NPAS2: variants seen among roughly 807,000 people sequenced by gnomAD.
The protein encoded by NPAS2 is neuronal PAS domain protein 2.
NPAS2 carries 23 observed loss-of-function variants against 107.5 expected under a neutral mutation model. The observed-to-expected ratio is 0.21, with a 90% CI of 0.15 to 0.30. The LOEUF (loss-of-function observed/expected upper bound fraction) is 0.30, where lower values mean the gene tolerates loss of function less well. NPAS2 is among the 10% of genes least tolerant of loss of function. The probability of loss-of-function intolerance (pLI) is 1.00; values close to 1 mark genes in which losing one functional copy is unlikely to be tolerated. For synonymous variants in NPAS2, 403 were observed against 417.5 expected, an observed-to-expected ratio of 0.97 and a Z score of 0.42; for missense variants, 756 against 1,043.3, an observed-to-expected ratio of 0.72 and a Z score of 3.79.
At chr2:100,824,995 A>T (rs1269523126) in intron 1 of NPAS2, among the ~76,000 whole-genome samples, 3 of 152,160 alleles carry the variant, frequency 2.0e-5, no homozygotes, top group Admixed American at 6.5e-5. Context: ...GAGTACCAGG[A>T]TGGAAATGGG....
Position 100,974,835 on chromosome 2 carries a change from C to T in NPAS2, c.1173C>T (p.His391=). Residue 391 remains histidine, a synonymous_variant, in exon 13 of 21, where the codon CAC becomes CAT. Transcript: ENST00000335681. ...GCTCAAGCCTGGAACCTCGGCAGCA[C>T]TTTAACACACTCGACGTGGGTGCCT... ...DKGSSLEPRQ[H]FNTLDVGASG... 2 of 1,614,148 alleles carry T rather than the reference C, an allele frequency of 1.2e-6. No individual in the cohort carries two copies. The highest frequency in any genetic ancestry group is 1.7e-6 in the Non-Finnish European group (2 of 1,180,012).
intron 2 of NPAS2, among the ~76,000 whole-genome samples, chr2:100,907,252 A>G (rs1682216646): frequency 6.6e-6 from 1 of 152,186 alleles, no homozygotes; most frequent in East Asian, 1.9e-4. Context: ...AAAAGTTCCT[A>G]GAAATAAATC....
In NPAS2 at chr2:100,992,404, C is replaced by T. The variant is rs1053217823; in HGVS notation, c.2112-943C>T. The stretch of plus-strand genomic sequence containing the variant: ...CTGTGTTAAATGTCGGCTCTGTGTC[C>T]CCACCAAAATCTCTTGTTGAATTGT... On this transcript the variant is annotated intron_variant, in intron 19 of 20. Transcript: ENST00000335681. Among the ~76,000 whole-genome samples the T allele has an allele frequency of 7.9e-5, 12 of 152,314 alleles. No individual in the cohort carries two copies. In the South Asian group the frequency reaches 1.7e-3, roughly 21 times the overall value.
intron 1 of NPAS2, among the ~76,000 whole-genome samples, chr2:100,849,482 G>T (rs1678007607): frequency 1.3e-5 from 2 of 151,950 alleles, no homozygotes; most frequent in Non-Finnish European, 2.9e-5. Context: ...AGGTCTTCAG[G>T]TTCTTCATAG....
chr2:100,925,122 A>G, intron 2 of NPAS2, 24 bp from the exon 3 acceptor site: 7 of 1,598,554 alleles, frequency 4.4e-6, no homozygotes, highest in Non-Finnish European at 6.0e-6. Flanking sequence ...ATGTTCCAGT[A>G]ACCTGCTCGT....
intron 1 of NPAS2, among the ~76,000 whole-genome samples, chr2:100,840,132 C>T (rs1012903873): frequency 5.3e-5 from 8 of 152,160 alleles, no homozygotes; most frequent in African/African-American, 1.9e-4. Context: ...TTCCTTCCGT[C>T]GTTGCTTGCC....
At chr2:100,939,939 A>C (rs1349184577) in intron 5 of NPAS2, among the ~76,000 whole-genome samples, 1 of 152,194 alleles carries the variant, frequency 6.6e-6, no homozygotes, top group East Asian at 1.9e-4. Flanking sequence ...AATGCAAACT[A>C]AGACTCTGTA....
At chr2:100,951,685 A>G (rs1287768923) in intron 7 of NPAS2, among the ~76,000 whole-genome samples, 1 of 152,110 alleles carries the variant, frequency 6.6e-6, no homozygotes, top group Non-Finnish European at 1.5e-5. Flanking sequence ...GGGAGGGGGA[A>G]ATGGGAGTTG....
At chr2:100,879,108 G>C (rs1022759974) in intron 1 of NPAS2, among the ~76,000 whole-genome samples, 1 of 144,854 alleles carries the variant, frequency 6.9e-6, no homozygotes, top group Non-Finnish European at 1.5e-5. Flanking sequence ...GCGAGACTCT[G>C]TCTCAAAAAA....
chr2:100,854,149 C>T (rs1678404344), intron 1 of NPAS2, among the ~76,000 whole-genome samples: 1 of 127,524 alleles, frequency 7.8e-6, no homozygotes, highest in Admixed American at 8.0e-5. Context: ...TGGACATAGC[C>T]TGCCTCAACA....
intron 5 of NPAS2, among the ~76,000 whole-genome samples, chr2:100,941,405 A>C (rs909599614): frequency 6.6e-6 from 1 of 152,128 alleles, no homozygotes; most frequent in Admixed American, 6.5e-5. Flanking sequence ...TCTACAAAAA[A>C]TCCAAAAATT....
At chr2:100,962,483 T>C (rs1013020649) in intron 7 of NPAS2, among the ~76,000 whole-genome samples, 14 of 152,230 alleles carry the variant, frequency 9.2e-5, no homozygotes, top group African/African-American at 3.4e-4. Context: ...CAGCACAGAT[T>C]ATCAGCCCTG....
chr2:100,992,907 T>C (rs146062455), intron 19 of NPAS2, among the ~76,000 whole-genome samples: 4 of 148,240 alleles, frequency 2.7e-5, no homozygotes, highest in African/African-American at 9.8e-5. Flanking sequence ...GTGTTGATAG[T>C]GTCTTTTGAT....
rs1184364289 is a variant in NPAS2 at position 100,820,188 on chromosome 2, A to AGGGACCCGC, written c.-247_-239dup. 6.7e-6 allele frequency: 1 copy of AGGGACCCGC among 149,976 alleles called. No homozygotes were observed. Among genetic ancestry groups the AGGGACCCGC allele is most frequent in the East Asian group, 2.0e-4 (1 of 5,012 alleles). 9.3% of individuals were successfully genotyped at this position (149,976 alleles called of 1,614,324 possible). ...AGCAGCCGGCCTCTCGCAGGAGCCGAGGGACCCGCGCGGCTGCGGCCCAGG... is the reference window on the plus strand; with the variant it reads ...AGCAGCCGGCCTCTCGCAGGAGCCGAGGGACCCGCGGGACCCGCGCGGCTGCGGCCCAGG... On this transcript the variant is annotated 5_prime_UTR_variant, in exon 1 of 21. Coordinates refer to ENST00000335681, the MANE Select transcript of NPAS2 (RefSeq NM_002518.4). This position sits in a 1 kb window ranked among gnomAD's most constrained non-coding sequence, Gnocchi z 5.6.
intron 1 of NPAS2, among the ~76,000 whole-genome samples, chr2:100,894,113 G>A (rs570523057): frequency 6.6e-6 from 1 of 152,278 alleles, no homozygotes; most frequent in East Asian, 1.9e-4. Context: ...ATTTGCCAGG[G>A]GCCAGAATTC....
intron 20 of NPAS2, 58 bp downstream of exon 20, chr2:100,993,585 C>A (rs1678270147): frequency 1.6e-6 from 2 of 1,285,526 alleles, no homozygotes; most frequent in East Asian, 2.6e-5. Context: ...CCACGCTCCA[C>A]ACCCGAAGTC....
At chr2:100,863,449 ATCAG>A (rs913702322) in intron 1 of NPAS2, among the ~76,000 whole-genome samples, 3 of 152,204 alleles carry the variant, frequency 2.0e-5, no homozygotes, top group Non-Finnish European at 4.4e-5. Context: ...AGATGTGCAT[ATCAG>A]TGGCCACACA....
intron 1 of NPAS2, among the ~76,000 whole-genome samples, chr2:100,859,931 A>G (rs888102921): frequency 8.5e-5 from 13 of 152,202 alleles, no homozygotes; most frequent in African/African-American, 2.9e-4. Context: ...TTACTAAACC[A>G]TTTGAAGGTA....
chr2:100,855,985 C>T lies in NPAS2; in HGVS notation c.-23+35571C>T, dbSNP rs147677547. On this transcript the variant is annotated intron_variant, in intron 1 of 20. Transcript: ENST00000335681. ...AGGACTCCTCTGAGAAATAACCCCT[C>T]GAAATAACCCCCCTCCCTCCAAACA... Among the ~76,000 whole-genome samples the T allele has an allele frequency of 4.5e-3, 691 of 152,266 alleles. 9 individuals are homozygous for T. Among genetic ancestry groups the T allele is most frequent in the African/African-American group, 0.016 (655 of 41,550 alleles).
Sources: gnomAD v4.1 joint callset for allele counts (sites outside exome capture counted in the v4.1 genomes callset) on GRCh38, gnomAD v4.1.1 for gene constraint, Gnocchi (gnomAD v3.1) non-coding constraint, MANE v1.5 for transcripts, NCBI Gene and HGNC (gene_info 2026-07-23, HGNC 2026-07-21) for gene names.